Variants in PDE4D observed in about 807,000 individuals in gnomAD.
The protein encoded by PDE4D is 3',5'-cyclic-AMP phosphodiesterase 4D.
In PDE4D, 24 loss-of-function variants were observed where a neutral mutation model predicts 87.4. That is an observed-to-expected ratio of 0.27 (90% CI 0.20 to 0.39). The LOEUF is 0.39. Among genes scored for constraint, PDE4D ranks in the 10% least tolerant of loss-of-function variants. PDE4D has a pLI of 1.00. For synonymous variants in PDE4D, 384 were observed against 383.2 expected, an observed-to-expected ratio of 1.00 and a Z score of -0.02; for missense variants, 714 against 1,041.0, an observed-to-expected ratio of 0.69 and a Z score of 4.32.
chr5:60,256,631 T>G (rs1275658652), intron 1 of PDE4D, among the ~76,000 whole-genome samples: 1 of 151,852 alleles, frequency 6.6e-6, no homozygotes, highest in African/African-American at 2.4e-5. Flanking sequence ...AATGTAAAAT[T>G]AGTCCTACCT....
chr5:59,431,231 A>T (rs1796069851), intron 1 of PDE4D, among the ~76,000 whole-genome samples: 1 of 152,142 alleles, frequency 6.6e-6, no homozygotes, highest in Admixed American at 6.6e-5. Context: ...ACAGTGAAAA[A>T]TAAGTTGGAG....
At chr5:60,167,296 G>T (rs2149474916) in intron 2 of PDE4D, among the ~76,000 whole-genome samples, 1 of 118,530 alleles carries the variant, frequency 8.4e-6, no homozygotes, top group African/African-American at 3.3e-5. Context: ...TTGAGACGGA[G>T]TCTCGCTGTC....
intron 1 of PDE4D, among the ~76,000 whole-genome samples, chr5:59,623,895 T>C (rs1025337980): frequency 6.6e-6 from 1 of 152,236 alleles, no homozygotes; most frequent in Non-Finnish European, 1.5e-5. Flanking sequence ...ATGGCAATGA[T>C]AGTAAAAAAT....
chr5:59,342,086 G>C (rs1778828962), intron 1 of PDE4D, among the ~76,000 whole-genome samples: 1 of 152,110 alleles, frequency 6.6e-6, no homozygotes, highest in African/African-American at 2.4e-5. Context: ...ATCATGAAGT[G>C]AACTACTCAC....
intron 2 of PDE4D, among the ~76,000 whole-genome samples, chr5:59,211,254 G>T (rs1401945947): frequency 2.6e-5 from 4 of 152,046 alleles, no homozygotes; most frequent in Non-Finnish European, 4.4e-5. Flanking sequence ...AGTTGCTACT[G>T]CATCATCTAT....
chr5:60,076,514 C>T (rs549036680), intron 2 of PDE4D, among the ~76,000 whole-genome samples: 4 of 152,284 alleles, frequency 2.6e-5, no homozygotes, highest in East Asian at 1.9e-4. Flanking sequence ...TGTTCTATTT[C>T]ATGACCTTGG....
At chr5:60,025,565 A>G (rs1181365322) in intron 2 of PDE4D, among the ~76,000 whole-genome samples, 4 of 152,112 alleles carry the variant, frequency 2.6e-5, no homozygotes, top group African/African-American at 9.7e-5. Flanking sequence ...AAATTTTACA[A>G]TATACCATAT....
intron 6 of PDE4D, among the ~76,000 whole-genome samples, chr5:58,994,464 T>A (rs1371260374): frequency 1.3e-5 from 2 of 148,906 alleles, no homozygotes; most frequent in Admixed American, 1.3e-4. Flanking sequence ...ACAATGTATT[T>A]TTTCTACACA....
At chr5:59,216,819 T>C in intron 1 of PDE4D, 1 of 165,136 alleles carries the variant, frequency 6.1e-6, no homozygotes, top group Non-Finnish European at 1.3e-5. Flanking sequence ...AGCCTGCACC[T>C]GAAAGGCTAC....
At chr5:60,322,377 C>CAA (rs1756366755) in intron 1 of PDE4D, among the ~76,000 whole-genome samples, 1 of 92,598 alleles carries the variant, frequency 1.1e-5, no homozygotes, top group African/African-American at 6.2e-5. Flanking sequence ...TACACACACA[C>CAA]ACACACACAC....
At chr5:60,144,249 G>C (rs1179516598) in intron 2 of PDE4D, among the ~76,000 whole-genome samples, 1 of 152,198 alleles carries the variant, frequency 6.6e-6, no homozygotes, top group Non-Finnish European at 1.5e-5. Flanking sequence ...TGAATGATCT[G>C]CTCATTCCCA....
chr5:59,193,770 A>G lies in PDE4D; in HGVS notation c.648-234T>C, dbSNP rs569477568. On this transcript the variant is annotated intron_variant, in intron 2 of 14. Transcript: ENST00000340635. ...AAGAGGGGCTTCTTGATCATCAGCC[A>G]GGGTCACTGTTGCTTTTTAGGCACA... 2.4e-5 allele frequency: 24 copies of G among 985,452 alleles called. 1 individual carries two copies. The South Asian group carries it at 9.4e-4, about 39-fold the overall frequency. 61.0% of individuals were successfully genotyped at this position (985,452 alleles called of 1,614,324 possible).
chr5:59,566,160 A>G (rs931274464), intron 1 of PDE4D, among the ~76,000 whole-genome samples: 2 of 152,168 alleles, frequency 1.3e-5, no homozygotes, highest in Non-Finnish European at 2.9e-5. Context: ...AAGATGGGCC[A>G]TATTTTGACT....
At chr5:60,444,345 T>A (rs960131477) in intron 1 of PDE4D, among the ~76,000 whole-genome samples, 1 of 152,266 alleles carries the variant, frequency 6.6e-6, no homozygotes, top group East Asian at 1.9e-4. Context: ...ATTGTTTGCA[T>A]CCATTCTTCT....
chr5:59,617,744 C>T (rs2150096755), intron 1 of PDE4D, among the ~76,000 whole-genome samples: 1 of 152,296 alleles, frequency 6.6e-6, no homozygotes, highest in South Asian at 2.1e-4. Context: ...CCTGCCAACA[C>T]CTCGATCGTA....
chr5:59,504,191 C>T (rs570342723), intron 1 of PDE4D, among the ~76,000 whole-genome samples: 35 of 152,150 alleles, frequency 2.3e-4, no homozygotes, highest in African/African-American at 8.4e-4. Flanking sequence ...TAATATAGGG[C>T]CCATTTGAAT....
chr5:59,393,249 T>C (rs555317923), intron 1 of PDE4D, among the ~76,000 whole-genome samples: 1 of 152,232 alleles, frequency 6.6e-6, no homozygotes, highest in African/African-American at 2.4e-5. Context: ...AAAAAAGGAC[T>C]TTGAGATCAA....
intron 1 of PDE4D, among the ~76,000 whole-genome samples, chr5:60,337,857 G>A (rs1757951544): frequency 6.6e-6 from 1 of 151,760 alleles, no homozygotes; most frequent in Non-Finnish European, 1.5e-5. Flanking sequence ...GAACTATAAA[G>A]ATGAAAATAG....
chr5:59,888,826 A>G (rs1414802339), intron 1 of PDE4D, among the ~76,000 whole-genome samples: 2 of 152,190 alleles, frequency 1.3e-5, no homozygotes, highest in Non-Finnish European at 2.9e-5. Context: ...AAAACAATAA[A>G]GAAATAGCTT....
Sources: allele counts gnomAD v4.1 joint callset (sites outside exome capture counted in the v4.1 genomes callset), GRCh38; gene constraint gnomAD v4.1.1; transcripts MANE v1.5; gene names NCBI Gene and HGNC (gene_info 2026-07-23, HGNC 2026-07-21).